The following LOXL2 variants were observed in gnomAD, a reference collection of about 807,000 sequenced individuals.
LOXL2 encodes the protein lysyl oxidase homolog 2.
A neutral mutation model predicts 93.0 loss-of-function variants in LOXL2; 70 were observed. The observed-to-expected ratio is 0.75, with a 90% CI of 0.62 to 0.92. The LOEUF (loss-of-function observed/expected upper bound fraction) is 0.92. Among genes scored for constraint, LOXL2 ranks in the 40% least tolerant of loss-of-function variants. The pLI is 0.00. For missense variants in LOXL2, 973 were observed against 1,054.9 expected (o/e 0.92, Z 1.08); for synonymous variants, 438 against 413.2 (o/e 1.06, Z -0.73).
intron 2 of LOXL2, among the ~76,000 whole-genome samples, chr8:23,367,111 C>T (rs1261799267): frequency 6.6e-6 from 1 of 152,086 alleles, no homozygotes; most frequent in South Asian, 2.1e-4. Flanking sequence ...TGCAGTGGCG[C>T]GATCACGGCT....
At position 23,305,173 on chromosome 8, in the gene LOXL2, G is replaced by A. The variant is rs909857963; in HGVS notation, c.1881-1776C>T. Among the ~76,000 whole-genome samples the A allele has an allele frequency of 2.6e-5, 4 of 152,348 alleles. No homozygotes were observed. In the South Asian group the frequency reaches 6.2e-4, roughly 24 times the overall value. On this transcript the variant is annotated intron_variant, in intron 10 of 13. Transcript: ENST00000389131. Reference sequence around the variant, plus strand: ...AAAAAATGTCTGCATCGCTCAGAGAGGGGCTTATGTGACCATGTTTACCAG... The same window carrying A: ...AAAAAATGTCTGCATCGCTCAGAGAAGGGCTTATGTGACCATGTTTACCAG...
intron 3 of LOXL2, among the ~76,000 whole-genome samples, chr8:23,357,755 G>A (rs1220416796): frequency 3.9e-5 from 6 of 151,934 alleles, no homozygotes; most frequent in Admixed American, 6.6e-5. Context: ...TTGAACAGAG[G>A]CCCATCTAAG....
At chr8:23,341,869 A>T (rs1803887836) in intron 3 of LOXL2, among the ~76,000 whole-genome samples, 1 of 152,216 alleles carries the variant, frequency 6.6e-6, no homozygotes, top group South Asian at 2.1e-4. Flanking sequence ...CCTGCCTGGC[A>T]GGGATCAGGG....
chr8:23,384,680 G>C (rs555857958), intron 1 of LOXL2, among the ~76,000 whole-genome samples: 2 of 152,122 alleles, frequency 1.3e-5, no homozygotes, highest in African/African-American at 4.8e-5. Context: ...TTTGAAGGCC[G>C]AGGCGGGCGG....
chr8:23,335,843 C>A (rs1448247339), intron 4 of LOXL2, among the ~76,000 whole-genome samples: 1 of 152,194 alleles, frequency 6.6e-6, no homozygotes, highest in Non-Finnish European at 1.5e-5. Context: ...CCTACAGACA[C>A]AGTTATCATC....
At chr8:23,340,883 T>G (rs889970437) in intron 4 of LOXL2, 109 bp downstream of exon 4, 38 of 995,160 alleles carry the variant, frequency 3.8e-5, no homozygotes, top group African/African-American at 6.3e-5. Context: ...GACACCAGCT[T>G]GCCTGGCCAT....
chr8:23,334,204 A>G (rs1803752434), intron 4 of LOXL2, among the ~76,000 whole-genome samples: 1 of 152,242 alleles, frequency 6.6e-6, no homozygotes, highest in South Asian at 2.1e-4. Flanking sequence ...ACGCCCAGCT[A>G]ATTTTTGTAT....
At chr8:23,331,472 A>C (rs188643604) in intron 5 of LOXL2, 1 of 152,258 alleles carries the variant, frequency 6.6e-6, no homozygotes, top group South Asian at 2.1e-4. Flanking sequence ...CAAACAGTGC[A>C]CTAAGTACTG....
chr8:23,351,254 C>T (rs1804089570), intron 3 of LOXL2, among the ~76,000 whole-genome samples: 1 of 152,210 alleles, frequency 6.6e-6, no homozygotes, highest in Non-Finnish European at 1.5e-5. Context: ...TGAGGTGACT[C>T]AAATAAGCCA....
chr8:23,391,934 T>C (rs1007124823), intron 1 of LOXL2, among the ~76,000 whole-genome samples: 1 of 152,222 alleles, frequency 6.6e-6, no homozygotes, highest in African/African-American at 2.4e-5. Context: ...AGGCACCTTC[T>C]GAGCTCAGTC....
intron 1 of LOXL2, among the ~76,000 whole-genome samples, chr8:23,395,345 A>G (rs1349754511): frequency 6.6e-6 from 1 of 150,734 alleles, no homozygotes; most frequent in African/African-American, 2.4e-5. Context: ...ACCACATATT[A>G]TATGATTCTA....
At chr8:23,334,137 C>T (rs1803751162) in intron 4 of LOXL2, among the ~76,000 whole-genome samples, 1 of 152,184 alleles carries the variant, frequency 6.6e-6, no homozygotes, top group South Asian at 2.1e-4. Context: ...CTCCCAGATT[C>T]AAGCAATTCT....
intron 1 of LOXL2, among the ~76,000 whole-genome samples, chr8:23,382,849 C>G (rs1454267366): frequency 2.6e-5 from 4 of 152,264 alleles, no homozygotes; most frequent in African/African-American, 9.6e-5. Flanking sequence ...TGATGATGCT[C>G]TTCTCTGGGG....
At chr8:23,353,595 C>T (rs1804133135) in intron 3 of LOXL2, among the ~76,000 whole-genome samples, 1 of 152,054 alleles carries the variant, frequency 6.6e-6, no homozygotes, top group South Asian at 2.1e-4. Flanking sequence ...GATGGCACAG[C>T]CTGTATCAGA....
In LOXL2 at chr8:23,328,423, C is replaced by T. The variant is rs1337185742; in HGVS notation, c.1109G>A (p.Gly370Glu). 1.2e-6 allele frequency: 2 copies of T among 1,613,982 alleles called. No homozygotes were observed. The highest frequency in any genetic ancestry group is 2.7e-5 in the African/African-American group (2 of 74,936). The change falls in exon 6 of 14, where the codon GGG becomes GAG. Residue 370 changes from glycine (G) to glutamate (E), a missense_variant. Transcript: ENST00000389131. Reference protein sequence around the residue: ...ASVVCRELGFGSAKEAVTGSR... With the variant: ...ASVVCRELGFESAKEAVTGSR... ...GCCAGTGACTGCCTCTTTGGCACTC[C>T]CAAAGCCCAGCTCTCTGCAGACCAC...
chr8:23,391,412 G>C (rs1804842541), intron 1 of LOXL2, among the ~76,000 whole-genome samples: 1 of 152,142 alleles, frequency 6.6e-6, no homozygotes. Flanking sequence ...GCCCAGTATA[G>C]TGACTGGCTC....
At chr8:23,299,152 G>A (rs1803086032) in intron 12 of LOXL2, among the ~76,000 whole-genome samples, 1 of 152,188 alleles carries the variant, frequency 6.6e-6, no homozygotes, top group African/African-American at 2.4e-5. Flanking sequence ...CTGGAAGAGG[G>A]AAACCCTGCC....
Position 23,297,945 on chromosome 8 carries a change from T to A in LOXL2, c.*98A>T. On this transcript the variant is annotated 3_prime_UTR_variant, in exon 14 of 14. Transcript: ENST00000389131. Reference sequence around the variant, plus strand: ...TGGACAGGGTGGGGGCCGGGCTGGGTGAGGGCACGTGGCATTCGTTCAGAC... The same window carrying A: ...TGGACAGGGTGGGGGCCGGGCTGGGAGAGGGCACGTGGCATTCGTTCAGAC... 1 of 993,584 alleles carries A rather than the reference T, an allele frequency of 1.0e-6. No individual in the cohort carries two copies. Among genetic ancestry groups the A allele is most frequent in the Non-Finnish European group, 1.6e-6 (1 of 641,580 alleles). 61.5% of individuals were successfully genotyped at this position (993,584 alleles called of 1,614,324 possible).
chr8:23,323,199 C>T lies in LOXL2; in HGVS notation c.1151-918G>A, dbSNP rs370056943. On this transcript the variant is annotated intron_variant, in intron 6 of 13. Coordinates refer to ENST00000389131, the MANE Select transcript of LOXL2 (RefSeq NM_002318.3). Reference sequence around the variant, plus strand: ...CATCGGTGATGGTGGCTGGAAGCATCGAAGGACTAGCATGGAAAGGCTGTG... The same window carrying T: ...CATCGGTGATGGTGGCTGGAAGCATTGAAGGACTAGCATGGAAAGGCTGTG... Among the ~76,000 whole-genome samples the T allele has an allele frequency of 1.2e-4, 19 of 152,316 alleles. No homozygotes were observed. In the East Asian group the frequency reaches 1.5e-3, roughly 12 times the overall value.
Sources: gnomAD v4.1 joint callset for allele counts (sites outside exome capture counted in the v4.1 genomes callset) on GRCh38, gnomAD v4.1.1 for gene constraint, MANE v1.5 for transcripts, NCBI Gene and HGNC (gene_info 2026-07-23, HGNC 2026-07-21) for gene names.